Variants in SFMBT1 observed in about 807,000 individuals in gnomAD.
SFMBT1 encodes Scm like with four mbt domains 1.
A neutral mutation model predicts 108.7 loss-of-function variants in SFMBT1; 32 were observed. The ratio of observed to expected loss-of-function variants is 0.29; its 90% CI spans 0.22 to 0.40. The LOEUF (loss-of-function observed/expected upper bound fraction) is 0.40. Ranked by LOEUF, SFMBT1 falls within the 10% of genes least tolerant of loss-of-function variation. The pLI, the probability that SFMBT1 is intolerant of heterozygous loss-of-function variation, is 1.00. For missense variants in SFMBT1, 816 were observed against 1,059.6 expected, an observed-to-expected ratio of 0.77 and a Z score of 3.19; for synonymous variants, 348 against 369.5, an observed-to-expected ratio of 0.94 and a Z score of 0.67.
chr3:52,914,671 G>C (rs866926181), intron 14 of SFMBT1, among the ~76,000 whole-genome samples: 3 of 152,220 alleles, frequency 2.0e-5, no homozygotes. Context: ...TTGAGCCCAG[G>C]AGGTGGAGGT....
chr3:52,978,254 A>G (rs1164468800), intron 1 of SFMBT1, among the ~76,000 whole-genome samples: 1 of 152,104 alleles, frequency 6.6e-6, no homozygotes. Context: ...AGGCAGAGGG[A>G]AAAGCCAGCA....
At chr3:53,011,042 A>G (rs1268398962) in intron 1 of SFMBT1, among the ~76,000 whole-genome samples, 1 of 152,204 alleles carries the variant, frequency 6.6e-6, no homozygotes, top group Non-Finnish European at 1.5e-5. Context: ...CCCAATAGGA[A>G]GCTCAGTCTT....
At chr3:53,033,193 C>T (rs1462671134) in intron 1 of SFMBT1, among the ~76,000 whole-genome samples, 1 of 151,392 alleles carries the variant, frequency 6.6e-6, no homozygotes, top group African/African-American at 2.4e-5. Context: ...TGGAGTCTTG[C>T]TCTGTCGCCC....
intron 1 of SFMBT1, among the ~76,000 whole-genome samples, chr3:52,988,630 C>T (rs1705012808): frequency 1.3e-5 from 2 of 152,162 alleles, no homozygotes; most frequent in Non-Finnish European, 1.5e-5. Context: ...CACAAAACAA[C>T]TCTTCAGGAG....
chr3:52,992,142 A>C (rs532073108), intron 1 of SFMBT1, among the ~76,000 whole-genome samples: 3 of 152,332 alleles, frequency 2.0e-5, no homozygotes, highest in African/African-American at 7.2e-5. Flanking sequence ...CCCACTCAGA[A>C]TGAGTCTGTG....
chr3:52,960,775 A>G (rs1703934502), intron 2 of SFMBT1, among the ~76,000 whole-genome samples: 1 of 152,246 alleles, frequency 6.6e-6, no homozygotes, highest in South Asian at 2.1e-4. Context: ...GTGTCCATCA[A>G]CAGACGAATG....
intron 5 of SFMBT1, 150 bp downstream of exon 5, chr3:52,934,663 G>T: frequency 3.6e-6 from 2 of 550,384 alleles, no homozygotes; most frequent in Non-Finnish European, 6.1e-6. Flanking sequence ...TGCAACCTCT[G>T]AGGGTAAGTT....
chr3:52,966,044 G>A (rs532773940), intron 2 of SFMBT1, among the ~76,000 whole-genome samples: 54 of 147,270 alleles, frequency 3.7e-4, no homozygotes, highest in Non-Finnish European at 7.1e-4. Context: ...TAAAGCCGGC[G>A]CGGTGGCTCA....
intron 1 of SFMBT1, among the ~76,000 whole-genome samples, chr3:52,971,564 C>T (rs1479254125): frequency 1.3e-5 from 2 of 152,182 alleles, no homozygotes; most frequent in African/African-American, 2.4e-5. Flanking sequence ...TTATCAAACA[C>T]CAGCTCCTTA....
intron 17 of SFMBT1, 77 bp downstream of exon 17, chr3:52,910,926 C>T: frequency 7.3e-7 from 1 of 1,372,638 alleles, no homozygotes. Context: ...ATATGAATGT[C>T]TGTAAAGTAA....
At chr3:52,998,253 G>A (rs1483063019) in intron 1 of SFMBT1, among the ~76,000 whole-genome samples, 1 of 149,946 alleles carries the variant, frequency 6.7e-6, no homozygotes, top group African/African-American at 2.4e-5. Context: ...TTTGCCGGGC[G>A]TGGTGGCGGG....
intron 1 of SFMBT1, among the ~76,000 whole-genome samples, chr3:53,012,637 C>G (rs1698992642): frequency 6.6e-6 from 1 of 151,392 alleles, no homozygotes; most frequent in South Asian, 2.1e-4. Context: ...CTCCTGACCT[C>G]ATGATCCGCC....
intron 2 of SFMBT1, among the ~76,000 whole-genome samples, chr3:52,962,777 A>C (rs1225414261): frequency 7.5e-6 from 1 of 133,040 alleles, no homozygotes; most frequent in Non-Finnish European, 1.5e-5. Flanking sequence ...ACTGCACTAC[A>C]GCCTGGGTGA....
chr3:52,936,291 T>C (rs963166237), intron 4 of SFMBT1, among the ~76,000 whole-genome samples: 1 of 152,246 alleles, frequency 6.6e-6, no homozygotes, highest in Admixed American at 6.5e-5. Flanking sequence ...CTGAGGTAGA[T>C]TTCATAGAAA....
intron 2 of SFMBT1, among the ~76,000 whole-genome samples, chr3:52,960,236 TAA>T (rs779499773): frequency 5.3e-5 from 8 of 151,970 alleles, no homozygotes; most frequent in Non-Finnish European, 8.8e-5. Context: ...CATATTAATA[TAA>T]GAGTGTAAAG....
chr3:52,943,627 G>A, intron 3 of SFMBT1, 34 bp from the exon 4 acceptor site: 1 of 1,613,994 alleles, frequency 6.2e-7, no homozygotes, highest in Non-Finnish European at 8.5e-7. Context: ...CACCAGACAA[G>A]TATCTTAAAT....
At chr3:53,006,368 C>T (rs1433981984) in intron 1 of SFMBT1, among the ~76,000 whole-genome samples, 2 of 152,230 alleles carry the variant, frequency 1.3e-5, no homozygotes, top group East Asian at 3.9e-4. Context: ...CGGTGGCTCA[C>T]GCCTGTAATC....
At chr3:53,010,712 A>T (rs1359295472) in intron 1 of SFMBT1, among the ~76,000 whole-genome samples, 1 of 152,218 alleles carries the variant, frequency 6.6e-6, no homozygotes, top group Non-Finnish European at 1.5e-5. Context: ...AAAGTGACAA[A>T]CATCTCTGTA....
At chr3:52,972,841 A>AAAC (rs1704394602) in intron 1 of SFMBT1, among the ~76,000 whole-genome samples, 1 of 118,852 alleles carries the variant, frequency 8.4e-6, no homozygotes, top group African/African-American at 3.4e-5. Flanking sequence ...ATCTCTACTA[A>AAAC]ACACACACAC....
Sources: gnomAD v4.1 joint callset for allele counts (sites outside exome capture counted in the v4.1 genomes callset) on GRCh38, gnomAD v4.1.1 for gene constraint, MANE v1.5 for transcripts, NCBI Gene and HGNC (gene_info 2026-07-23, HGNC 2026-07-21) for gene names.